CNTN5: variants seen among roughly 807,000 people sequenced by gnomAD.
CNTN5 encodes the protein contactin-5.
CNTN5 carries 77 observed loss-of-function variants against 129.1 expected under a neutral mutation model. The observed-to-expected ratio is 0.60, with a 90% CI of 0.50 to 0.72. The LOEUF (loss-of-function observed/expected upper bound fraction) is 0.72, where lower values mean the gene tolerates loss of function less well. Among genes scored for constraint, CNTN5 ranks in the 30% least tolerant of loss-of-function variants. The pLI, the probability that CNTN5 is intolerant of heterozygous loss-of-function variation, is 0.00. For missense variants in CNTN5, 1,478 were observed against 1,328.8 expected (o/e 1.11, Z -1.75); for synonymous variants, 509 against 465.6 (o/e 1.09, Z -1.20).
intron 2 of CNTN5, among the ~76,000 whole-genome samples, chr11:99,337,622 T>C (rs1038885700): frequency 6.6e-6 from 1 of 152,292 alleles, no homozygotes; most frequent in Middle Eastern, 3.4e-3. Context: ...ACCTTCCAGC[T>C]TGGGTGTTAT....
At chr11:100,106,307 C>G (rs1234534579) in intron 13 of CNTN5, among the ~76,000 whole-genome samples, 2 of 152,144 alleles carry the variant, frequency 1.3e-5, no homozygotes, top group Non-Finnish European at 2.9e-5. Context: ...AAAATGCATT[C>G]TTAACCGGCA....
At position 99,640,410 on chromosome 11, in the gene CNTN5, C is replaced by T. The variant is rs575841357; in HGVS notation, c.55+84141C>T. ...AGAGAAAATGAGGAAGAAGCAAAAG[C>T]GGAAACCCCTGATAAACCCATCAGA... is the stretch of plus-strand genomic sequence containing the variant. On this transcript the variant is annotated intron_variant, in intron 3 of 24. Coordinates refer to ENST00000524871, the MANE Select transcript of CNTN5 (RefSeq NM_014361.4). 2.4e-4 allele frequency among the ~76,000 whole-genome samples: 36 copies of T among 152,240 alleles called. No individual in the cohort carries two copies. In the South Asian group the frequency reaches 5.2e-3, roughly 22 times the overall value.
intron 5 of CNTN5, 51 bp downstream of exon 5, chr11:99,845,026 A>C: frequency 1.2e-6 from 2 of 1,608,890 alleles, no homozygotes; most frequent in Non-Finnish European, 1.7e-6. Flanking sequence ...ACTTTCCATC[A>C]ATGATATTCT....
intron 1 of CNTN5, among the ~76,000 whole-genome samples, chr11:99,053,009 C>T (rs910688267): frequency 6.6e-5 from 10 of 151,780 alleles, no homozygotes; most frequent in African/African-American, 1.7e-4. Context: ...ATACAGGGCC[C>T]GTCATCCTAC....
chr11:100,239,329 T>G (rs663051), intron 16 of CNTN5, among the ~76,000 whole-genome samples: 127,385 of 152,110 alleles, frequency 0.84, 53,734 homozygotes, highest in East Asian at 0.95. Flanking sequence ...TTCTAGATAA[T>G]ATGTGTAGAC....
intron 1 of CNTN5, among the ~76,000 whole-genome samples, chr11:99,025,137 A>G (rs1464667605): frequency 6.6e-6 from 1 of 151,938 alleles, no homozygotes; most frequent in Non-Finnish European, 1.5e-5. Flanking sequence ...CTCTTATGCC[A>G]GTCATGTTTC....
At chr11:99,192,375 A>G (rs1429915636) in intron 1 of CNTN5, among the ~76,000 whole-genome samples, 1 of 151,850 alleles carries the variant, frequency 6.6e-6, no homozygotes, top group African/African-American at 2.4e-5. Context: ...TAAACAGCCA[A>G]TCATGTAGGC....
intron 21 of CNTN5, chr11:100,336,904 C>A: frequency 1.7e-6 from 1 of 579,170 alleles, no homozygotes; most frequent in Admixed American, 2.8e-5. Flanking sequence ...CATAGGGCAG[C>A]CGGTGAATAC....
chr11:99,588,092 C>G (rs1290599289), intron 3 of CNTN5, among the ~76,000 whole-genome samples: 2 of 152,168 alleles, frequency 1.3e-5, no homozygotes, highest in African/African-American at 4.8e-5. Flanking sequence ...GCCTGTAATC[C>G]CGGCACTTTG....
At chr11:99,120,138 T>A (rs1486668469) in intron 1 of CNTN5, 1 of 152,192 alleles carries the variant, frequency 6.6e-6, no homozygotes, top group East Asian at 1.9e-4. Context: ...TAGATCCAAT[T>A]TGTCAATTTT....
At chr11:99,656,066 A>C (rs1340186490) in intron 3 of CNTN5, among the ~76,000 whole-genome samples, 3 of 152,032 alleles carry the variant, frequency 2.0e-5, no homozygotes, top group African/African-American at 7.2e-5. Flanking sequence ...GTGTGTGTAC[A>C]TATGTGTAAG....
intron 3 of CNTN5, among the ~76,000 whole-genome samples, chr11:99,684,303 C>CT (rs1953690381): frequency 6.6e-6 from 1 of 151,800 alleles, no homozygotes; most frequent in South Asian, 2.1e-4. Flanking sequence ...ACCATATATA[C>CT]TTTTTAAAAC....
intron 2 of CNTN5, among the ~76,000 whole-genome samples, chr11:99,344,112 A>G (rs981142896): frequency 5.3e-5 from 8 of 152,214 alleles, no homozygotes; most frequent in Admixed American, 4.6e-4. Flanking sequence ...CCTCAACTTC[A>G]AAGTGCGTAA....
At chr11:99,518,454 T>TGAA (rs1947143303) in intron 2 of CNTN5, among the ~76,000 whole-genome samples, 1 of 152,110 alleles carries the variant, frequency 6.6e-6, no homozygotes, top group South Asian at 2.1e-4. Flanking sequence ...CGACAAATCA[T>TGAA]GAAGTGGGTC....
intron 2 of CNTN5, among the ~76,000 whole-genome samples, chr11:99,337,902 ATGT>A (rs1326648940): frequency 3.9e-5 from 6 of 152,280 alleles, no homozygotes; most frequent in East Asian, 1.9e-4. Flanking sequence ...TCTGTACTAA[ATGT>A]TGTTTTCTTT....
chr11:100,289,715 T>C (rs1490912159), intron 18 of CNTN5, among the ~76,000 whole-genome samples: 2 of 150,470 alleles, frequency 1.3e-5, no homozygotes, highest in Non-Finnish European at 3.0e-5. Flanking sequence ...AGGGATGCCC[T>C]CTCTCACCAC....
chr11:99,819,400 T>A, intron 3 of CNTN5, 144 bp from the exon 4 acceptor site: 3 of 640,778 alleles, frequency 4.7e-6, no homozygotes, highest in Non-Finnish European at 5.2e-6. Flanking sequence ...AAAGTAACAT[T>A]TTTTCACACT....
chr11:99,953,827 G>A (rs1469751029), intron 7 of CNTN5, among the ~76,000 whole-genome samples: 3 of 152,148 alleles, frequency 2.0e-5, no homozygotes, highest in East Asian at 3.9e-4. Context: ...TTACCACATA[G>A]TATCAAAAAT....
intron 8 of CNTN5, among the ~76,000 whole-genome samples, chr11:99,984,492 T>C (rs1938549513): frequency 6.6e-6 from 1 of 151,938 alleles, no homozygotes; most frequent in African/African-American, 2.4e-5. Context: ...GTGATGGTGA[T>C]GATTTTTTTG....
Sources: gnomAD v4.1 joint callset for allele counts (sites outside exome capture counted in the v4.1 genomes callset) on GRCh38, gnomAD v4.1.1 for gene constraint, MANE v1.5 for transcripts, NCBI Gene and HGNC (gene_info 2026-07-23, HGNC 2026-07-21) for gene names.